MUC6: variants seen among roughly 807,000 people sequenced by gnomAD.
The protein encoded by MUC6 is mucin 6, oligomeric mucus/gel-forming (gene/pseudogene).
MUC6 carries 188 observed loss-of-function variants against 201.5 expected under a neutral mutation model. The observed-to-expected ratio is 0.93, with a 90% CI of 0.83 to 1.05. The LOEUF (loss-of-function observed/expected upper bound fraction) is 1.05, where lower values mean the gene tolerates loss of function less well. Among genes scored for constraint, MUC6 ranks in the 50% least tolerant of loss-of-function variants. MUC6 has a pLI of 0.00. For synonymous variants in MUC6, 1,228 were observed against 1,389.4 expected, an observed-to-expected ratio of 0.88 and a Z score of 2.58; for missense variants, 2,706 against 3,256.9, an observed-to-expected ratio of 0.83 and a Z score of 4.12.
intron 30 of MUC6, among the ~76,000 whole-genome samples, 183 bp from the exon 31 acceptor site, chr11:1,018,953 C>T (rs1373116055): frequency 6.6e-6 from 1 of 152,196 alleles, no homozygotes; most frequent in Non-Finnish European, 1.5e-5. Context: ...ACTTGCTCCA[C>T]ATCCTGCCCT....
At chr11:1,026,549 C>A in intron 19 of MUC6, 71 bp from the exon 20 acceptor site, 1 of 1,431,040 alleles carries the variant, frequency 7.0e-7, no homozygotes, top group Non-Finnish European at 9.2e-7. Flanking sequence ...CTGGGCCCCT[C>A]TGAGACTGCC....
Position 1,020,074 on chromosome 11 carries a change from G to T in MUC6, c.3808+16C>A. ...TGCAGCTGCCCTCTCCATGGGCTCAGCTGGAGGCTCCTTACCTCCCGAGGA... is the reference window on the plus strand; with the variant it reads ...TGCAGCTGCCCTCTCCATGGGCTCATCTGGAGGCTCCTTACCTCCCGAGGA... On this transcript the variant is annotated intron_variant, in intron 29 of 32. Coordinates refer to ENST00000421673, the MANE Select transcript of MUC6 (RefSeq NM_005961.3). 1.2e-6 allele frequency: 2 copies of T among 1,612,550 alleles called. No individual in the cohort carries two copies. Among genetic ancestry groups the T allele is most frequent in the Non-Finnish European group, 8.5e-7 (1 of 1,179,480 alleles).
Position 1,018,695 on chromosome 11 carries a change from G to A in MUC6, c.4106C>T (p.Thr1369Ile), listed in dbSNP as rs556973634. 2.5e-6 allele frequency: 4 copies of A among 1,610,168 alleles called. No homozygotes were observed. The highest frequency in any genetic ancestry group is 2.2e-5 in the South Asian group (2 of 90,774). ...TTGPRPTPAS[T>I]TGPTTPQPGQ... ...TGGCTGTGGGGTGGTTGGGCCTGTG[G>A]TGCTTGCTGGGGTTGGACGTGGGCC... The change falls in exon 31 of 33, where the codon ACC (threonine) becomes ATC (isoleucine). Residue 1369 changes from threonine (T) to isoleucine (I), a missense_variant. This residue lies in a region of MUC6 where 1,850 missense variants were observed against 1,958.3 expected (regional missense o/e 0.94). Coordinates refer to ENST00000421673, the MANE Select transcript of MUC6 (RefSeq NM_005961.3).
rs562853688 is a variant in MUC6, at chr11:1,019,452, C to T, written c.3853G>A (p.Gly1285Arg). Residue 1285 changes from glycine to arginine, a missense_variant, in exon 30 of 33, where the codon GGG becomes AGG. Physicochemically the swap from Gly to Arg is moderately radical, Grantham distance 125. Around this residue, in one of 10 missense-constraint regions of MUC6, gnomAD observed 1,850 missense variants for 1,958.3 expected, o/e 0.94. Coordinates refer to ENST00000421673, the MANE Select transcript of MUC6 (RefSeq NM_005961.3). ...TTAVTPQATS[G>R]LPPTATLRST... ...CTCAGTGTGGCTGTGGGAGGCAGCC[C>T]TGATGTGGCTTGTGGGGTGACGGCC... 6.2e-6 allele frequency: 10 copies of T among 1,613,510 alleles called. No individual in the cohort carries two copies. The South Asian group carries it at 8.8e-5, about 14-fold the overall frequency.
At position 1,036,679 on chromosome 11, in the gene MUC6, C is replaced by T. The variant is rs975459858; in HGVS notation, c.-24G>A. 11 of 1,543,914 alleles carry T rather than the reference C, an allele frequency of 7.1e-6. No individual in the cohort carries two copies. In the African/African-American group the frequency reaches 1.2e-4, roughly 17 times the overall value. On this transcript the variant is annotated 5_prime_UTR_variant, in exon 1 of 33. Transcript: ENST00000421673. ...ATGGTGCACAGTGGAGAGGAGCTCG[C>T]GCTGGGCCCGGCAGGCCTGCTGCTG...
intron 26 of MUC6, among the ~76,000 whole-genome samples, chr11:1,023,137 ATG>A (rs549386553): frequency 2.3e-3 from 350 of 151,816 alleles, no homozygotes; most frequent in African/African-American, 8.2e-3. Context: ...GTGTGCGTGA[ATG>A]TGCGTGAGTG....
intron 26 of MUC6, among the ~76,000 whole-genome samples, chr11:1,021,616 C>T (rs1376069098): frequency 6.6e-6 from 1 of 152,110 alleles, no homozygotes; most frequent in Non-Finnish European, 1.5e-5. Flanking sequence ...GGTGATCTTC[C>T]TGCCTCGGCC....
chr11:1,033,169 T>G lies in MUC6; in HGVS notation c.53-94A>C. 1 of 1,268,214 alleles carries G rather than the reference T, an allele frequency of 7.9e-7. No individual in the cohort carries two copies. Among genetic ancestry groups the G allele is most frequent in the Admixed American group, 1.7e-5 (1 of 58,130 alleles). The allele number at this position is 1,268,214 out of a possible 1,614,324, so 78.6% of individuals were successfully genotyped here. ...CTCAGGGCTGCTCCGCCCGTTTCCC[T>G]GCACACACTCGGCGTGCGAGAAGTG... is the stretch of plus-strand genomic sequence containing the variant. On this transcript the variant is annotated intron_variant, in intron 1 of 32. Coordinates refer to ENST00000421673, the MANE Select transcript of MUC6 (RefSeq NM_005961.3). The surrounding 1 kb of genome is among the most constrained non-coding windows in gnomAD (Gnocchi z 5.6).
rs1564843375 is a variant in MUC6, at chr11:1,029,290, CAAAG to C, written c.1209_1212del (p.Phe404LeufsTer60). On this transcript the variant is annotated frameshift_variant, in exon 10 of 33. Coordinates refer to ENST00000421673, the MANE Select transcript of MUC6 (RefSeq NM_005961.3). LOFTEE classifies it high-confidence loss of function. ...TAGGGCCTGGCGTCAAATGTGGTAA[CAAAG>C]GAGCCACCTTCCAGGGAGCAGTGTC... The C allele has an allele frequency of 1.2e-6, 2 of 1,606,780 alleles. No homozygotes were observed. Among genetic ancestry groups the C allele is most frequent in the South Asian group, 2.2e-5 (2 of 89,822 alleles).
At chr11:1,020,281 G>C in intron 28 of MUC6, 24 bp from the exon 29 acceptor site, 1 of 1,587,490 alleles carries the variant, frequency 6.3e-7, no homozygotes, top group Non-Finnish European at 8.6e-7. Flanking sequence ...CATGCCATCA[G>C]GGCTGCAGGG....
chr11:1,026,489 G>A lies in MUC6; in HGVS notation c.2395-11C>T, dbSNP rs1334941914. On this transcript the variant is annotated splice_polypyrimidine_tract_variant and intron_variant, in intron 19 of 32. Transcript: ENST00000421673. ...ACACTTGGTGGGCACCTGGAGGGAG[G>A]CAGGTCAGCAGCTCCTGGGAGGGTG... 3.2e-6 allele frequency: 5 copies of A among 1,570,168 alleles called. No individual in the cohort carries two copies. The highest frequency in any genetic ancestry group is 1.7e-6 in the Non-Finnish European group (2 of 1,159,372).
In MUC6 at chr11:1,025,331, C is replaced by T. The variant is rs373904984; in HGVS notation, c.2836G>A (p.Val946Ile). 2.4e-5 allele frequency: 39 copies of T among 1,611,778 alleles called. No homozygotes were observed. Among genetic ancestry groups the T allele is most frequent in the Admixed American group, 1.2e-4 (7 of 59,990 alleles). Residue 946 changes from valine to isoleucine, a missense_variant, in exon 23 of 33, where the codon GTC becomes ATC. By Grantham distance (29) the Val-to-Ile change is conservative. Transcript: ENST00000421673. The stretch of plus-strand genomic sequence containing the variant: ...TGCACGTGGGGCTCCTCCCCGGTGA[C>T]CGTGTAGTTTCTGTCCGCCAGCACC... ...SVVLADRNYT[V>I]TGEEPHVQLG...
At chr11:1,025,762 C>T in intron 22 of MUC6, 43 bp downstream of exon 22, 1 of 1,544,954 alleles carries the variant, frequency 6.5e-7, no homozygotes, top group Non-Finnish European at 8.8e-7. Flanking sequence ...GCAGGGCCCC[C>T]TACCGCCCGT....
Position 1,016,334 on chromosome 11 carries a change from G to C in MUC6, c.6467C>G (p.Ser2156Trp). ...PSSHSSPQTSSPSVGTSSSFV... is the reference protein window; with the variant it reads ...PSSHSSPQTSWPSVGTSSSFV... ...AGAGGAAGATGTGCCAACAGAAGGC[G>C]ATGAAGTCTGGGGAGAGGAGTGGGA... The change falls in exon 31 of 33, where the codon TCG becomes TGG. Residue 2156 changes from serine to tryptophan, a missense_variant. Ser to Trp is a radical substitution (Grantham distance 177). Transcript: ENST00000421673. 6.2e-7 allele frequency: 1 copy of C among 1,611,404 alleles called. No individual in the cohort carries two copies. The highest frequency in any genetic ancestry group is 1.3e-5 in the African/African-American group (1 of 74,966).
chr11:1,036,103 C>G (rs949638365), intron 1 of MUC6, among the ~76,000 whole-genome samples: 2 of 152,092 alleles, frequency 1.3e-5, no homozygotes, highest in African/African-American at 4.8e-5. Flanking sequence ...TACACCTTCC[C>G]CCCTCTTCCC....
Position 1,029,289 on chromosome 11 carries a change from A to G in MUC6, c.1214T>C (p.Val405Ala). The G allele has an allele frequency of 1.2e-6, 2 of 1,606,950 alleles. No individual in the cohort carries two copies. The highest frequency in any genetic ancestry group is 1.7e-6 in the Non-Finnish European group (2 of 1,177,694). The change falls in exon 10 of 33, where the codon GTT (valine) becomes GCT (alanine). Residue 405 changes from valine (V) to alanine (A), a missense_variant. By Grantham distance (64) the Val-to-Ala change is moderately conservative (BLOSUM62 0). Coordinates refer to ENST00000421673, the MANE Select transcript of MUC6 (RefSeq NM_005961.3). ...GHCSLEGGSF[V>A]TTFDARPYRF... ...GTAGGGCCTGGCGTCAAATGTGGTAACAAAGGAGCCACCTTCCAGGGAGCA... is the reference window on the plus strand; with the variant it reads ...GTAGGGCCTGGCGTCAAATGTGGTAGCAAAGGAGCCACCTTCCAGGGAGCA...
chr11:1,027,698 A>G lies in MUC6; in HGVS notation c.1968T>C (p.Ser656=), dbSNP rs770196103. Residue 656 remains serine (S), a synonymous_variant, in exon 16 of 33, where the codon AGT becomes AGC. Transcript: ENST00000421673. ...RGVLLWGWRS[S]VDNCTIPCTG... is the part of the protein sequence containing the mutation. ...TCGGGCACTCACTGCAGTTGTCCAC[A>G]CTGCTTCTCCAGCCCCAGAGCAGGA... The G allele has an allele frequency of 3.1e-6, 5 of 1,601,718 alleles. No homozygotes were observed. Among genetic ancestry groups the G allele is most frequent in the Middle Eastern group, 3.3e-4 (2 of 6,076 alleles).
Position 1,028,220 on chromosome 11 carries a change from A to G in MUC6, c.1753+6T>C. The G allele has an allele frequency of 1.3e-6, 2 of 1,563,990 alleles. No individual in the cohort carries two copies. Among genetic ancestry groups the G allele is most frequent in the Non-Finnish European group, 1.7e-6 (2 of 1,154,360 alleles). ...CAGCCAGGGGAGTGGGGGGCCGGAC[A>G]CTCACTGTTGAGCTGGCTCATGGAG... On this transcript the variant is annotated splice_donor_region_variant and intron_variant, in intron 14 of 32. Coordinates refer to ENST00000421673, the MANE Select transcript of MUC6 (RefSeq NM_005961.3).
chr11:1,028,477 A>G (rs964959499), intron 13 of MUC6, 90 bp from the exon 14 acceptor site: 68 of 1,553,560 alleles, frequency 4.4e-5, no homozygotes, highest in Non-Finnish European at 5.8e-5. Flanking sequence ...CCTTCCTCTA[A>G]CAGCACCCTG....
Sources: gnomAD v4.1 joint callset for allele counts (sites outside exome capture counted in the v4.1 genomes callset) on GRCh38, gnomAD v4.1.1 for gene constraint, gnomAD v4.1.1 regional missense constraint, Gnocchi (gnomAD v3.1) non-coding constraint, MANE v1.5 for transcripts, NCBI Gene and HGNC (gene_info 2026-07-23, HGNC 2026-07-21) for gene names.